The following GRID2 variants were observed in gnomAD, a reference collection of about 807,000 sequenced individuals.
The protein encoded by GRID2 is glutamate ionotropic receptor delta type subunit 2, also known as glutamate receptor ionotropic, delta-2.
A neutral mutation model predicts 114.8 loss-of-function variants in GRID2; 33 were observed. The observed-to-expected ratio is 0.29, with a 90% CI of 0.22 to 0.38. The LOEUF is 0.38. Ranked by LOEUF, GRID2 falls within the 10% of genes least tolerant of loss-of-function variation. The pLI, the probability that GRID2 is intolerant of heterozygous loss-of-function variation, is 1.00. For missense variants in GRID2, 1,184 were observed against 1,257.7 expected (o/e 0.94, Z 0.89); for synonymous variants, 505 against 449.9 (o/e 1.12, Z -1.55).
intron 1 of GRID2, among the ~76,000 whole-genome samples, chr4:92,411,645 G>GTATATATATATATATA (rs1390740726): frequency 9.7e-5 from 9 of 92,846 alleles, no homozygotes; most frequent in Non-Finnish European, 2.0e-4. Flanking sequence ...GTGTGTGTGT[G>GTATATATATATATATA]TGTGTGTGTG....
At chr4:93,240,072 T>C (rs1324339616) in intron 8 of GRID2, among the ~76,000 whole-genome samples, 1 of 151,670 alleles carries the variant, frequency 6.6e-6, no homozygotes, top group African/African-American at 2.4e-5. Flanking sequence ...TAGACTGCTA[T>C]AAGCTGCTGT....
chr4:93,503,992 A>G (rs1466668207), intron 12 of GRID2, among the ~76,000 whole-genome samples: 1 of 152,072 alleles, frequency 6.6e-6, no homozygotes, highest in East Asian at 1.9e-4. Context: ...TATTCATTAG[A>G]TACTTCACTG....
At chr4:93,604,952 C>T (rs1352819120) in intron 13 of GRID2, among the ~76,000 whole-genome samples, 1 of 152,156 alleles carries the variant, frequency 6.6e-6, no homozygotes, top group Non-Finnish European at 1.5e-5. Context: ...ATGTGATTCA[C>T]TTTATTGCAA....
At chr4:93,036,598 G>A (rs759227631) in intron 2 of GRID2, among the ~76,000 whole-genome samples, 1 of 152,076 alleles carries the variant, frequency 6.6e-6, no homozygotes, top group Non-Finnish European at 1.5e-5. Flanking sequence ...AAAAGATAAG[G>A]AAGTTAGCCA....
intron 3 of GRID2, among the ~76,000 whole-genome samples, chr4:93,088,159 C>A (rs1366688006): frequency 6.6e-6 from 1 of 151,882 alleles, no homozygotes; most frequent in Non-Finnish European, 1.5e-5. Context: ...TAATTAAGGG[C>A]AAAATATAAA....
intron 2 of GRID2, among the ~76,000 whole-genome samples, chr4:92,595,217 CT>C (rs1171887479): frequency 6.6e-6 from 1 of 151,806 alleles, no homozygotes; most frequent in East Asian, 1.9e-4. Flanking sequence ...AACTATAATA[CT>C]TTTTTATGTA....
Position 92,965,450 on chromosome 4 carries a change from T to TAAAAAAAAAAAAA in GRID2, c.245-119518_245-119506dup, listed in dbSNP as rs869285420. Among the ~76,000 whole-genome samples, 131 of 85,738 alleles carry TAAAAAAAAAAAAA rather than the reference T, an allele frequency of 1.5e-3. 4 individuals carry two copies. Among genetic ancestry groups the TAAAAAAAAAAAAA allele is most frequent in the Non-Finnish European group, 2.3e-3 (95 of 41,800 alleles). The allele number at this position is 85,738 out of a possible 152,430, so 56.2% of individuals were successfully genotyped here. A position where few individuals can be genotyped will look rare whatever the true frequency, so the allele number is the denominator to read the frequency against. ...AGGGTTGCCATAAACATTCAATTTGTAAAAAAAAAAAAAAAAAAAAAAAAA... is the reference window on the plus strand; with the variant it reads ...AGGGTTGCCATAAACATTCAATTTGTAAAAAAAAAAAAAAAAAAAAAAAAAAAAAAAAAAAAAA... On this transcript the variant is annotated intron_variant, in intron 2 of 15. Transcript: ENST00000282020.
At chr4:92,373,258 T>A (rs1729200013) in intron 1 of GRID2, among the ~76,000 whole-genome samples, 1 of 152,186 alleles carries the variant, frequency 6.6e-6, no homozygotes, top group South Asian at 2.1e-4. Context: ...ATAGGGGAAG[T>A]GTGGTCATTT....
At chr4:92,605,617 T>G (rs889076348) in intron 2 of GRID2, among the ~76,000 whole-genome samples, 2 of 152,090 alleles carry the variant, frequency 1.3e-5, no homozygotes, top group Non-Finnish European at 2.9e-5. Flanking sequence ...GATTTCAGGT[T>G]GAGTAGTAGA....
intron 14 of GRID2, among the ~76,000 whole-genome samples, chr4:93,633,221 A>G (rs1578445775): frequency 6.6e-6 from 1 of 151,790 alleles, no homozygotes; most frequent in East Asian, 1.9e-4. Flanking sequence ...TTTCCTATAA[A>G]CTATTAGAAT....
rs189060768 is a variant in GRID2, at chr4:93,281,167, T to A, written c.1245+42677T>A. Among the ~76,000 whole-genome samples the A allele has an allele frequency of 1.6e-4, 24 of 150,884 alleles. 1 individual carries two copies. In the East Asian group the frequency reaches 4.3e-3, roughly 27 times the overall value. On this transcript the variant is annotated intron_variant, in intron 8 of 15. Transcript: ENST00000282020. ...ATGGGGGCACGAGGGGAGTGGAGAG[T>A]CACAGTATAACTAGAGAAGGCCTCA... is the stretch of plus-strand genomic sequence containing the variant.
chr4:93,042,804 A>G (rs2149271094), intron 2 of GRID2, among the ~76,000 whole-genome samples: 1 of 151,326 alleles, frequency 6.6e-6, no homozygotes, highest in East Asian at 2.0e-4. Flanking sequence ...TGAATAAATC[A>G]TTGATATTTT....
At position 93,456,928 on chromosome 4, in the gene GRID2, C is replaced by T. The variant is rs144851952; in HGVS notation, c.1858+954C>T. On this transcript the variant is annotated intron_variant, in intron 11 of 15. Coordinates refer to ENST00000282020, the MANE Select transcript of GRID2 (RefSeq NM_001510.4). ...AAACCTTTTGTAAGCATGCTTTTCC[C>T]TCCACCCTTCCATATCCAGGGCTCT... 2.9e-4 allele frequency among the ~76,000 whole-genome samples: 44 copies of T among 152,226 alleles called. No individual in the cohort carries two copies. The East Asian group carries it at 4.5e-3, about 15-fold the overall frequency.
At chr4:93,361,255 AC>A (rs1222951755) in intron 8 of GRID2, among the ~76,000 whole-genome samples, 1 of 152,068 alleles carries the variant, frequency 6.6e-6, no homozygotes, top group African/African-American at 2.4e-5. Context: ...AAGTCACAAA[AC>A]TAGTAAGCAA....
chr4:93,553,322 C>T (rs995493987), intron 13 of GRID2, among the ~76,000 whole-genome samples: 2 of 152,180 alleles, frequency 1.3e-5, no homozygotes, highest in African/African-American at 2.4e-5. Context: ...GATTGCCATT[C>T]TAACTGGTGA....
intron 8 of GRID2, among the ~76,000 whole-genome samples, chr4:93,374,822 G>A (rs1763226279): frequency 1.3e-5 from 2 of 152,148 alleles, no homozygotes; most frequent in Non-Finnish European, 2.9e-5. Flanking sequence ...GTCATTAAAA[G>A]TGTGTAAATT....
chr4:92,982,668 C>T (rs1006755881), intron 2 of GRID2, among the ~76,000 whole-genome samples: 3 of 151,974 alleles, frequency 2.0e-5, no homozygotes, highest in Non-Finnish European at 4.4e-5. Flanking sequence ...TCATTTGATT[C>T]CCCACATTGC....
intron 1 of GRID2, among the ~76,000 whole-genome samples, chr4:92,489,718 C>T (rs934692983): frequency 4.0e-5 from 6 of 151,864 alleles, no homozygotes; most frequent in East Asian, 3.9e-4. Flanking sequence ...TGGTGGTGCG[C>T]GCCTGTAATC....
intron 12 of GRID2, among the ~76,000 whole-genome samples, chr4:93,513,517 C>T (rs906554236): frequency 3.9e-5 from 6 of 152,038 alleles, no homozygotes; most frequent in African/African-American, 1.4e-4. Flanking sequence ...TTGCTTTTGC[C>T]CTCAATTATT....
Sources: allele counts gnomAD v4.1 joint callset (sites outside exome capture counted in the v4.1 genomes callset), GRCh38; gene constraint gnomAD v4.1.1; transcripts MANE v1.5; gene names NCBI Gene and HGNC (gene_info 2026-07-23, HGNC 2026-07-21).